Variants in SLC25A21 observed in about 807,000 individuals in gnomAD.
SLC25A21 encodes solute carrier family 25 member 21, also known as mitochondrial 2-oxodicarboxylate carrier.
SLC25A21 carries 47 observed loss-of-function variants against 43.8 expected under a neutral mutation model. That is an observed-to-expected ratio of 1.07 (90% confidence interval 0.85 to 1.37). The LOEUF is 1.37. Ranked by LOEUF, SLC25A21 falls within the 40% of genes most tolerant of loss-of-function variation. The pLI is 0.00. For missense variants in SLC25A21, 352 were observed against 350.2 expected, an observed-to-expected ratio of 1.00 and a Z score of -0.04; for synonymous variants, 131 against 121.3, an observed-to-expected ratio of 1.08 and a Z score of -0.52.
At chr14:36,903,791 T>C (rs1205476568) in intron 1 of SLC25A21, among the ~76,000 whole-genome samples, 1 of 152,146 alleles carries the variant, frequency 6.6e-6, no homozygotes, top group Non-Finnish European at 1.5e-5. Context: ...TAGGAACATG[T>C]GCTCCTCAGT....
chr14:37,055,803 C>T (rs971743126), intron 1 of SLC25A21, among the ~76,000 whole-genome samples: 2 of 152,210 alleles, frequency 1.3e-5, no homozygotes, highest in Non-Finnish European at 2.9e-5. Context: ...CATTATGAAA[C>T]TTCACAAGTA....
intron 7 of SLC25A21, among the ~76,000 whole-genome samples, chr14:36,699,187 T>A (rs1883171801): frequency 6.6e-6 from 1 of 152,016 alleles, no homozygotes; most frequent in Non-Finnish European, 1.5e-5. Flanking sequence ...GTCAGGTCCC[T>A]CAGCTGCAGG....
At chr14:37,004,580 G>C (rs1422043449) in intron 1 of SLC25A21, among the ~76,000 whole-genome samples, 1 of 152,162 alleles carries the variant, frequency 6.6e-6, no homozygotes, top group Non-Finnish European at 1.5e-5. Flanking sequence ...CTAATGATTA[G>C]GTAAACACCT....
At chr14:36,853,442 G>A (rs369300041) in intron 2 of SLC25A21, among the ~76,000 whole-genome samples, 7 of 152,192 alleles carry the variant, frequency 4.6e-5, no homozygotes, top group East Asian at 3.9e-4. Context: ...TTTTTAATCT[G>A]AGCATTTGTT....
chr14:37,098,596 AG>A (rs1486132144), intron 1 of SLC25A21: 1 of 152,184 alleles, frequency 6.6e-6, no homozygotes, highest in Admixed American at 6.5e-5. Flanking sequence ...CTGCTTTAAC[AG>A]GAAGAGTTCT....
intron 3 of SLC25A21, among the ~76,000 whole-genome samples, chr14:36,793,566 T>C (rs1887568345): frequency 6.8e-6 from 1 of 147,502 alleles, no homozygotes. Flanking sequence ...ATGAATATCA[T>C]GATGGTCTCA....
intron 1 of SLC25A21, among the ~76,000 whole-genome samples, chr14:37,056,815 C>T (rs1294305084): frequency 9.2e-5 from 14 of 152,178 alleles, no homozygotes; most frequent in Non-Finnish European, 2.1e-4. Context: ...AAACATCAGG[C>T]TTTTCTTTCT....
intron 7 of SLC25A21, among the ~76,000 whole-genome samples, chr14:36,708,152 C>A (rs987249064): frequency 6.6e-6 from 1 of 152,302 alleles, no homozygotes; most frequent in East Asian, 1.9e-4. Context: ...AAACTCCCTA[C>A]TGTAGGATAC....
At chr14:37,032,229 T>C (rs1566828828) in intron 1 of SLC25A21, among the ~76,000 whole-genome samples, 1 of 152,080 alleles carries the variant, frequency 6.6e-6, no homozygotes, top group Non-Finnish European at 1.5e-5. Context: ...AATAAGTGCT[T>C]AGGCCATAAT....
At chr14:36,816,814 T>C (rs2138452214) in intron 2 of SLC25A21, among the ~76,000 whole-genome samples, 1 of 152,282 alleles carries the variant, frequency 6.6e-6, no homozygotes. Context: ...AACAAATCAC[T>C]TTGAAACATA....
intron 1 of SLC25A21, among the ~76,000 whole-genome samples, chr14:37,024,069 GAAGTA>G (rs1344966354): frequency 1.3e-5 from 2 of 152,118 alleles, no homozygotes; most frequent in Non-Finnish European, 2.9e-5. Flanking sequence ...GCAGTGAAGT[GAAGTA>G]ATTAACCAGA....
At chr14:36,680,818 A>T in intron 9 of SLC25A21, 99 bp from the exon 10 acceptor site, 1 of 1,008,288 alleles carries the variant, frequency 9.9e-7, no homozygotes, top group Non-Finnish European at 1.5e-6. Flanking sequence ...ACAGCCTGTC[A>T]GGCAGAGGCT....
intron 2 of SLC25A21, among the ~76,000 whole-genome samples, chr14:36,841,833 A>G (rs1391593784): frequency 6.6e-6 from 1 of 151,972 alleles, no homozygotes; most frequent in East Asian, 1.9e-4. Context: ...CTGTGCAGGC[A>G]AGTGAGGCCA....
chr14:36,688,393 T>C (rs1882643659), intron 7 of SLC25A21, among the ~76,000 whole-genome samples: 2 of 152,368 alleles, frequency 1.3e-5, no homozygotes, highest in South Asian at 4.1e-4. Context: ...TAGGAGCATG[T>C]GTTACTCCTC....
At chr14:36,991,652 C>G (rs1243958739) in intron 1 of SLC25A21, among the ~76,000 whole-genome samples, 1 of 152,104 alleles carries the variant, frequency 6.6e-6, no homozygotes, top group Non-Finnish European at 1.5e-5. Context: ...ATAACTTGTC[C>G]AAGACCACAT....
chr14:36,798,815 A>C (rs182164181), intron 3 of SLC25A21, among the ~76,000 whole-genome samples: 2 of 152,164 alleles, frequency 1.3e-5, no homozygotes, highest in East Asian at 3.9e-4. Flanking sequence ...ATATTTAATA[A>C]TGGGATTGTC....
chr14:36,943,654 C>T (rs1254631307), intron 1 of SLC25A21, among the ~76,000 whole-genome samples: 3 of 152,132 alleles, frequency 2.0e-5, no homozygotes, highest in Non-Finnish European at 2.9e-5. Flanking sequence ...CCTGGTAAAT[C>T]GGTCCTTGTG....
intron 3 of SLC25A21, among the ~76,000 whole-genome samples, chr14:36,806,007 G>C (rs1017775507): frequency 2.0e-5 from 3 of 151,906 alleles, no homozygotes; most frequent in African/African-American, 7.3e-5. Context: ...TTGAGGTCAG[G>C]AGTTTGAGAC....
chr14:37,095,426 G>A (rs1339193947), intron 1 of SLC25A21, among the ~76,000 whole-genome samples: 1 of 152,298 alleles, frequency 6.6e-6, no homozygotes, highest in South Asian at 2.1e-4. Context: ...GCTGAGGCAG[G>A]AGAGTCACTT....
Sources: gnomAD v4.1 joint callset for allele counts (sites outside exome capture counted in the v4.1 genomes callset) on GRCh38, gnomAD v4.1.1 for gene constraint, MANE v1.5 for transcripts, NCBI Gene and HGNC (gene_info 2026-07-23, HGNC 2026-07-21) for gene names.